EHF: variants seen among roughly 807,000 people sequenced by gnomAD.
EHF encodes ETS homologous factor, also known as ESE3 transcription factor.
In EHF, 14 loss-of-function variants were observed where a neutral mutation model predicts 45.1. The observed-to-expected ratio is 0.31, with a 90% CI of 0.21 to 0.49. EHF has a LOEUF of 0.49. EHF is among the 20% of genes least tolerant of loss of function. EHF has a pLI of 0.99. For missense variants in EHF, 282 were observed against 371.4 expected, an observed-to-expected ratio of 0.76 and a Z score of 1.98; for synonymous variants, 136 against 131.8, an observed-to-expected ratio of 1.03 and a Z score of -0.22.
chr11:34,646,575 C>T lies in EHF; in HGVS notation c.234C>T (p.Phe78=), dbSNP rs1378746814. ...LDANCIPFQE[F]DINGEHLCSM... is the part of the protein sequence containing the mutation. ...CCAATTGTATCCCTTTCCAAGAGTT[C>T]GACATCAACGGCGAGCACCTCTGCA... Residue 78 remains phenylalanine (F), a synonymous_variant, in exon 3 of 9, where the codon TTC becomes TTT. Transcript: ENST00000257831. 15 of 1,613,402 alleles carry T rather than the reference C, an allele frequency of 9.3e-6. No homozygotes were observed. The highest frequency in any genetic ancestry group is 2.2e-5 in the East Asian group (1 of 44,898).
intron 3 of EHF, among the ~76,000 whole-genome samples, chr11:34,647,093 A>C (rs1869361): frequency 0.96 from 140,692 of 146,106 alleles, 67,708 homozygotes; most frequent in Non-Finnish European, 0.99. Flanking sequence ...AACCCCCCCC[A>C]CACACACACA....
chr11:34,638,957 G>A (rs1285223901), intron 1 of EHF, among the ~76,000 whole-genome samples: 1 of 152,218 alleles, frequency 6.6e-6, no homozygotes, highest in African/African-American at 2.4e-5. Flanking sequence ...AGAAGGGAAA[G>A]GAAACTGATT....
At chr11:34,631,100 T>C (rs1852850802) in intron 1 of EHF, among the ~76,000 whole-genome samples, 1 of 152,198 alleles carries the variant, frequency 6.6e-6, no homozygotes, top group Non-Finnish European at 1.5e-5. Flanking sequence ...GGCACAGTCA[T>C]GGCTCACTGC....
rs534265526 is a variant in EHF at position 34,661,779 on chromosome 11, C to T, written c.*2848C>T. On this transcript the variant is annotated 3_prime_UTR_variant, in exon 9 of 9. Transcript: ENST00000257831. ...CATGGCTCTCACTTGAGAAGCTCAC[C>T]TGTGCTGAATGTCCACATGGTCACT... 1.9e-4 allele frequency among the ~76,000 whole-genome samples: 29 copies of T among 152,038 alleles called. 1 individual carries two copies. The South Asian group carries it at 6.0e-3, about 32-fold the overall frequency.
intron 4 of EHF, among the ~76,000 whole-genome samples, chr11:34,651,260 A>G (rs1022793455): frequency 6.6e-6 from 1 of 152,174 alleles, no homozygotes; most frequent in East Asian, 1.9e-4. Flanking sequence ...CCCAGGAACC[A>G]CTTGGTCTAG....
rs74316325 is a variant in EHF, at chr11:34,633,535, G to A, written c.-3-9093G>A. On this transcript the variant is annotated intron_variant, in intron 1 of 8. Coordinates refer to ENST00000257831, the MANE Select transcript of EHF (RefSeq NM_012153.6). ...TCTGGGGTTTCAGTAGCCAAACATT[G>A]TTGACTCTAACAACATGGGGGTACT... Among the ~76,000 whole-genome samples, 738 of 152,256 alleles carry A rather than the reference G, an allele frequency of 4.8e-3. 5 individuals are homozygous for A. Among genetic ancestry groups the A allele is most frequent in the African/African-American group, 0.017 (712 of 41,540 alleles).
chr11:34,638,246 T>C (rs1853644908), intron 1 of EHF, among the ~76,000 whole-genome samples: 1 of 152,218 alleles, frequency 6.6e-6, no homozygotes, highest in South Asian at 2.1e-4. Context: ...AGTTTTTCTT[T>C]GTGTGTGCAG....
At chr11:34,643,747 G>C (rs556137715) in intron 2 of EHF, among the ~76,000 whole-genome samples, 39 of 152,240 alleles carry the variant, frequency 2.6e-4, no homozygotes, top group South Asian at 1.5e-3. Flanking sequence ...TTTCTGTTGT[G>C]GGCCTCAAAT....
chr11:34,640,902 C>T (rs149806107), intron 1 of EHF, among the ~76,000 whole-genome samples: 100 of 152,220 alleles, frequency 6.6e-4, no homozygotes, highest in South Asian at 2.1e-3. Flanking sequence ...GCCAGGTGCT[C>T]GAGGTACAGA....
At chr11:34,627,461 T>A (rs1483406655) in intron 1 of EHF, among the ~76,000 whole-genome samples, 1 of 152,106 alleles carries the variant, frequency 6.6e-6, no homozygotes, top group African/African-American at 2.4e-5. Flanking sequence ...TGCCCACCCC[T>A]AAAATTCTTG....
At chr11:34,632,323 A>T in intron 1 of EHF, 3 of 568,248 alleles carry the variant, frequency 5.3e-6, no homozygotes, top group Non-Finnish European at 8.7e-6. Context: ...TCTGGGAGGT[A>T]TTCAGAAGAT....
intron 1 of EHF, among the ~76,000 whole-genome samples, chr11:34,638,459 C>T (rs554282024): frequency 4.6e-5 from 7 of 152,224 alleles, no homozygotes; most frequent in Admixed American, 2.6e-4. Context: ...GCCTATTCTC[C>T]GGGAGAGGAA....
intron 1 of EHF, among the ~76,000 whole-genome samples, chr11:34,637,576 A>ATG (rs1853567536): frequency 6.6e-6 from 1 of 152,224 alleles, no homozygotes; most frequent in East Asian, 1.9e-4. Flanking sequence ...AGGGGAGCTT[A>ATG]TGGCACATTG....
chr11:34,646,405 G>T, intron 2 of EHF, 34 bp from the exon 3 acceptor site: 1 of 1,611,990 alleles, frequency 6.2e-7, no homozygotes, highest in South Asian at 1.1e-5. Flanking sequence ...GGAACAGCCA[G>T]GGGTCACTCA....
Position 34,635,450 on chromosome 11 carries a change from C to CTTT in EHF, c.-3-7162_-3-7160dup, listed in dbSNP as rs56121359. On this transcript the variant is annotated intron_variant, in intron 1 of 8. Coordinates refer to ENST00000257831, the MANE Select transcript of EHF (RefSeq NM_012153.6). ...CCTAGCCCCAATCCGAAACCTTATT[C>CTTT]TTTTTTTTTTTTTTTTTTGAGATGG... is the stretch of plus-strand genomic sequence containing the variant. Among the ~76,000 whole-genome samples the CTTT allele has an allele frequency of 1.6e-4, 18 of 113,224 alleles. 1 individual carries two copies. Among genetic ancestry groups the CTTT allele is most frequent in the Middle Eastern group, 5.4e-3 (1 of 184 alleles). 74.3% of individuals were successfully genotyped at this position (113,224 alleles called of 152,430 possible). A position where few individuals can be genotyped will look rare whatever the true frequency, so the allele number is the denominator to read the frequency against.
intron 1 of EHF, among the ~76,000 whole-genome samples, chr11:34,639,672 T>C (rs1853789944): frequency 6.6e-6 from 1 of 152,182 alleles, no homozygotes; most frequent in African/African-American, 2.4e-5. Flanking sequence ...CCAGGTGAGC[T>C]CAAGCGAACT....
At chr11:34,640,449 C>T (rs936702806) in intron 1 of EHF, among the ~76,000 whole-genome samples, 1 of 152,206 alleles carries the variant, frequency 6.6e-6, no homozygotes, top group Admixed American at 6.5e-5. Context: ...TCAGCCCTTT[C>T]AGGGTTAAAC....
intron 1 of EHF, among the ~76,000 whole-genome samples, chr11:34,638,570 C>T (rs532554587): frequency 1.3e-5 from 2 of 152,178 alleles, no homozygotes; most frequent in South Asian, 4.1e-4. Flanking sequence ...GTATTCTCCA[C>T]TGGGGGTGGT....
At chr11:34,641,314 A>G (rs1029717271) in intron 1 of EHF, among the ~76,000 whole-genome samples, 1 of 152,184 alleles carries the variant, frequency 6.6e-6, no homozygotes, top group Non-Finnish European at 1.5e-5. Flanking sequence ...CCCAGCACCT[A>G]GAATAGTGCC....
Sources: allele counts gnomAD v4.1 joint callset (sites outside exome capture counted in the v4.1 genomes callset), GRCh38; gene constraint gnomAD v4.1.1; transcripts MANE v1.5; gene names NCBI Gene and HGNC (gene_info 2026-07-23, HGNC 2026-07-21).